ADD1: variants seen among roughly 807,000 people sequenced by gnomAD.
The protein encoded by ADD1 is alpha-adducin.
Under a neutral mutation model 80.5 loss-of-function variants are expected in ADD1, and 24 were observed. The ratio of observed to expected loss-of-function variants is 0.30; its 90% CI spans 0.22 to 0.42. The LOEUF is 0.42. ADD1 is among the 10% of genes least tolerant of loss of function. ADD1 has a pLI of 1.00. For missense variants in ADD1, 948 were observed against 1,019.0 expected (o/e 0.93, Z 0.95); for synonymous variants, 373 against 393.8 (o/e 0.95, Z 0.63).
chr4:2,888,456 GCCCAGGC>G (rs1733759228), intron 4 of ADD1, among the ~76,000 whole-genome samples: 1 of 146,028 alleles, frequency 6.8e-6, no homozygotes, highest in African/African-American at 2.5e-5. Flanking sequence ...TCACTCTGTG[GCCCAGGC>G]TGGAGTGCAG....
At chr4:2,862,439 C>T (rs1483196482) in intron 1 of ADD1, among the ~76,000 whole-genome samples, 2 of 152,210 alleles carry the variant, frequency 1.3e-5, no homozygotes, top group Non-Finnish European at 2.9e-5. Context: ...TGTAACTGAA[C>T]TGTCTCAATG....
At chr4:2,845,081 C>CTT (rs59579107) in intron 1 of ADD1, among the ~76,000 whole-genome samples, 5,030 of 149,944 alleles carry the variant, frequency 0.034, 116 homozygotes, top group African/African-American at 0.069. Flanking sequence ...GCGATGATAC[C>CTT]TTTTTTTTTT....
chr4:2,852,191 T>TTTCTTTCTTTCTTTCC (rs1560138244), intron 1 of ADD1, among the ~76,000 whole-genome samples: 2 of 96,096 alleles, frequency 2.1e-5, no homozygotes, highest in African/African-American at 7.8e-5. Context: ...TCTTTCTTTC[T>TTTCTTTCTTTCTTTCC]TTCTTTCCTT....
At chr4:2,866,823 T>A (rs115666359) in intron 1 of ADD1, among the ~76,000 whole-genome samples, 2,020 of 152,266 alleles carry the variant, frequency 0.013, 50 homozygotes, top group African/African-American at 0.046. Context: ...GTAATCCCAA[T>A]ACTTTGGGAA....
At chr4:2,888,485 C>T (rs945044293) in intron 4 of ADD1, among the ~76,000 whole-genome samples, 11 of 151,364 alleles carry the variant, frequency 7.3e-5, no homozygotes, top group Non-Finnish European at 1.0e-4. Flanking sequence ...GGCATGATCT[C>T]GGCTCACTCA....
At chr4:2,857,829 C>T (rs1244726222) in intron 1 of ADD1, among the ~76,000 whole-genome samples, 1 of 152,154 alleles carries the variant, frequency 6.6e-6, no homozygotes, top group Non-Finnish European at 1.5e-5. Flanking sequence ...GTATACGAGA[C>T]TTTGGTAAAA....
At chr4:2,927,661 C>A (rs994580686) in intron 15 of ADD1, among the ~76,000 whole-genome samples, 1 of 152,238 alleles carries the variant, frequency 6.6e-6, no homozygotes, top group Non-Finnish European at 1.5e-5. Flanking sequence ...TAACTTCCAG[C>A]CTAAACGGCT....
intron 1 of ADD1, among the ~76,000 whole-genome samples, chr4:2,848,975 G>A (rs949781795): frequency 1.3e-5 from 2 of 151,956 alleles, no homozygotes; most frequent in African/African-American, 4.8e-5. Context: ...TCCATCTTTG[G>A]GCACCTATGA....
At chr4:2,876,502 G>A (rs1731313239) in intron 2 of ADD1, 1 of 154,292 alleles carries the variant, frequency 6.5e-6, no homozygotes, top group African/African-American at 2.4e-5. Context: ...AGAAGTTCGA[G>A]ACCAGGCTGG....
intron 1 of ADD1, among the ~76,000 whole-genome samples, chr4:2,856,240 T>C (rs935472781): frequency 6.6e-6 from 1 of 152,158 alleles, no homozygotes; most frequent in African/African-American, 2.4e-5. Context: ...GAAATCCAGA[T>C]TGACAGTTAT....
intron 1 of ADD1, among the ~76,000 whole-genome samples, chr4:2,847,499 G>T (rs1018972302): frequency 6.6e-6 from 1 of 151,962 alleles, no homozygotes; most frequent in Admixed American, 6.6e-5. Context: ...AAACATTTTG[G>T]TTCTACTTGC....
At chr4:2,845,708 T>A (rs1726098462) in intron 1 of ADD1, among the ~76,000 whole-genome samples, 1 of 152,256 alleles carries the variant, frequency 6.6e-6, no homozygotes, top group African/African-American at 2.4e-5. Context: ...GAGAAGGTTT[T>A]GTTTGGTGTT....
At position 2,872,651 on chromosome 4, in the gene ADD1, A is replaced by C. The variant is rs115301238; in HGVS notation, c.-20-3245A>C. On this transcript the variant is annotated intron_variant, in intron 1 of 15. Transcript: ENST00000683351. ...TGGCTCTCTGCAGCCTTGACCTCCC[A>C]GGTCGAGTGATCCTCTCTCCTCGGA... is the stretch of plus-strand genomic sequence containing the variant. Among the ~76,000 whole-genome samples, 362 of 152,304 alleles carry C rather than the reference A, an allele frequency of 2.4e-3. 4 individuals are homozygous for C. The highest frequency in any genetic ancestry group is 8.3e-3 in the African/African-American group (347 of 41,570).
rs1736777996 is a variant in ADD1, at chr4:2,904,860, T to A, written c.1258T>A (p.Ser420Thr). ...VEVPASVTGY[S>T]FASDGDSGTC... Reference sequence around the variant, plus strand: ...GGTTCCTGCTAGTGTCACAGGTTACTCCTTTGCTAGTGACGGTGATTCGGG... The same window carrying A: ...GGTTCCTGCTAGTGTCACAGGTTACACCTTTGCTAGTGACGGTGATTCGGG... The change falls in exon 10 of 16, where the codon TCC becomes ACC. Residue 420 changes from serine to threonine, a missense_variant. Physicochemically the swap from Ser to Thr is moderately conservative, Grantham distance 58. Transcript: ENST00000683351. 6.2e-7 allele frequency: 1 copy of A among 1,614,192 alleles called. No homozygotes were observed.
chr4:2,899,418 C>T lies in ADD1; in HGVS notation c.1144C>T (p.Arg382Trp), dbSNP rs1352553576. 6 of 1,614,180 alleles carry T rather than the reference C, an allele frequency of 3.7e-6. No homozygotes were observed. The highest frequency in any genetic ancestry group is 5.1e-6 in the Non-Finnish European group (6 of 1,180,032). ...TGAGCAGGAATTTGAAGCCCTCATG[C>T]GGATGCTCGATAATCTGGTAAGAAT... ...IGEQEFEALM[R>W]MLDNLGYRTG... The change falls in exon 9 of 16, where the codon CGG (arginine) becomes TGG (tryptophan). Residue 382 changes from arginine (R) to tryptophan (W), a missense_variant. Physicochemically the swap from Arg to Trp is moderately radical, Grantham distance 101. Transcript: ENST00000683351.
At chr4:2,927,003 C>A (rs1711827341) in intron 15 of ADD1, among the ~76,000 whole-genome samples, 1 of 152,210 alleles carries the variant, frequency 6.6e-6, no homozygotes, top group South Asian at 2.1e-4. Context: ...GTAAGTGCAG[C>A]CTCGGTTCAG....
At chr4:2,924,605 G>C (rs561307179) in intron 14 of ADD1, among the ~76,000 whole-genome samples, 60 of 152,324 alleles carry the variant, frequency 3.9e-4, no homozygotes, top group African/African-American at 1.4e-3. Context: ...CTCCTCCTAA[G>C]AGGACCTCTT....
chr4:2,854,104 C>A (rs1034589930), intron 1 of ADD1, among the ~76,000 whole-genome samples: 1 of 152,018 alleles, frequency 6.6e-6, no homozygotes, highest in African/African-American at 2.4e-5. Context: ...GGCGGATCAC[C>A]TGAGATCAGG....
chr4:2,904,800 C>G lies in ADD1; in HGVS notation c.1198C>G (p.Leu400Val). ...RTGYPYRYPA[L>V]REKSKKYSDV... ...TGGCTACCCTTATCGATACCCTGCT[C>G]TGAGAGAGAAGTCTAAAAAATACAG... Residue 400 changes from leucine to valine, a missense_variant, in exon 10 of 16, where the codon CTG becomes GTG. Transcript: ENST00000683351. 2 of 1,614,202 alleles carry G rather than the reference C, an allele frequency of 1.2e-6. No homozygotes were observed. The highest frequency in any genetic ancestry group is 1.7e-6 in the Non-Finnish European group (2 of 1,180,030).
Sources: gnomAD v4.1 joint callset for allele counts (sites outside exome capture counted in the v4.1 genomes callset) on GRCh38, gnomAD v4.1.1 for gene constraint, MANE v1.5 for transcripts, NCBI Gene and HGNC (gene_info 2026-07-23, HGNC 2026-07-21) for gene names.